PALS1: variants seen among roughly 807,000 people sequenced by gnomAD.
PALS1 encodes the protein protein associated with LIN7 1, MAGUK p55 family member, also known as protein PALS1.
In PALS1, 31 loss-of-function variants were observed where a neutral mutation model predicts 78.9. The observed-to-expected ratio is 0.39, with a 90% confidence interval of 0.30 to 0.53. PALS1 has a LOEUF of 0.53. Among genes scored for constraint, PALS1 ranks in the 20% least tolerant of loss-of-function variants. PALS1 has a pLI of 0.67. For missense variants in PALS1, 704 were observed against 826.5 expected (o/e 0.85, Z 1.82); for synonymous variants, 276 against 270.9 (o/e 1.02, Z -0.18).
At chr14:67,332,710 ATC>A in intron 14 of PALS1, 68 bp from the exon 15 acceptor site, 1 of 1,472,522 alleles carries the variant, frequency 6.8e-7, no homozygotes, top group Non-Finnish European at 9.2e-7. Flanking sequence ...TTCTTTGGCC[ATC>A]TCTGACTCAT....
intron 14 of PALS1, among the ~76,000 whole-genome samples, chr14:67,331,981 T>C (rs921075482): frequency 1.3e-5 from 2 of 152,230 alleles, no homozygotes; most frequent in Admixed American, 1.3e-4. Context: ...AGTTGTCATA[T>C]TTTTAATATG....
rs184572051 is a variant in PALS1, at chr14:67,309,030, G to T, written c.1042-3497G>T. Among the ~76,000 whole-genome samples the T allele has an allele frequency of 5.9e-5, 9 of 152,110 alleles. No homozygotes were observed. The East Asian group carries it at 1.7e-3, about 29-fold the overall frequency. On this transcript the variant is annotated intron_variant, in intron 8 of 14. Coordinates refer to ENST00000261681, the MANE Select transcript of PALS1 (RefSeq NM_022474.4). Reference sequence around the variant, plus strand: ...TAAAAAAAGGAAAAAGAAAATGTTGGGCTGGAAGATAATTGCGTCCAAACA... The same window carrying T: ...TAAAAAAAGGAAAAAGAAAATGTTGTGCTGGAAGATAATTGCGTCCAAACA...
chr14:67,317,430 G>T lies in PALS1; in HGVS notation c.1320G>T (p.Lys440Asn). The change falls in exon 11 of 15, where the codon AAG becomes AAT. Residue 440 changes from lysine (K) to asparagine (N), a missense_variant. Lys to Asn is a moderately conservative substitution (Grantham distance 94). Transcript: ENST00000261681. ...EKSGKLWCAK[K>N]NKKKRKKVLY... ...CAGGAAAACTGTGGTGTGCAAAGAA[G>T]AATAAAAAGAAGAGGAAAAAGGTTT... The T allele has an allele frequency of 6.2e-7, 1 of 1,611,898 alleles. No individual in the cohort carries two copies. The highest frequency in any genetic ancestry group is 8.5e-7 in the Non-Finnish European group (1 of 1,178,736).
chr14:67,329,374 T>G (rs2085406149), intron 14 of PALS1, among the ~76,000 whole-genome samples: 1 of 152,228 alleles, frequency 6.6e-6, no homozygotes, highest in Non-Finnish European at 1.5e-5. Context: ...AAGGAGATTT[T>G]GGGCTGAGAC....
intron 1 of PALS1, among the ~76,000 whole-genome samples, chr14:67,256,971 C>G (rs940683589): frequency 6.6e-6 from 1 of 152,144 alleles, no homozygotes; most frequent in African/African-American, 2.4e-5. Flanking sequence ...GACACAGCCT[C>G]AGGAGGTCCT....
In PALS1 at chr14:67,264,970, G is replaced by T. The variant is rs772521861; in HGVS notation, c.-236-4731G>T. 5.3e-5 allele frequency among the ~76,000 whole-genome samples: 8 copies of T among 152,078 alleles called. 1 individual carries two copies. The highest frequency in any genetic ancestry group is 1.0e-4 in the Non-Finnish European group (7 of 68,020). On this transcript the variant is annotated intron_variant, in intron 1 of 14. Transcript: ENST00000261681. ...CCATCCATGAGGGCAGATGATTTATGTGGGTTTAAGTTATAATACATGTTA... is the reference window on the plus strand; with the variant it reads ...CCATCCATGAGGGCAGATGATTTATTTGGGTTTAAGTTATAATACATGTTA...
chr14:67,256,807 C>T (rs537276990), intron 1 of PALS1, among the ~76,000 whole-genome samples: 1 of 152,064 alleles, frequency 6.6e-6, no homozygotes, highest in African/African-American at 2.4e-5. Context: ...GACACACACA[C>T]ACACACACAC....
At chr14:67,325,058 T>C (rs535400914) in intron 14 of PALS1, among the ~76,000 whole-genome samples, 1 of 151,750 alleles carries the variant, frequency 6.6e-6, no homozygotes, top group East Asian at 1.9e-4. Flanking sequence ...GTGCCCACCA[T>C]CATGCCTGGC....
At chr14:67,263,806 TCTA>T (rs963589384) in intron 1 of PALS1, among the ~76,000 whole-genome samples, 2 of 151,886 alleles carry the variant, frequency 1.3e-5, no homozygotes, top group African/African-American at 4.8e-5. Context: ...TGCTTTTACT[TCTA>T]CTGTGACCTC....
chr14:67,330,455 ATT>A lies in PALS1; in HGVS notation c.1852-2306_1852-2305del, dbSNP rs533831095. ...TAGAAGTATTTTCTAATTTCCCTTC[ATT>A]TTTTTTTTTTTTTTTTTTGAGATGG... On this transcript the variant is annotated intron_variant, in intron 14 of 14. Transcript: ENST00000261681. 5.8e-3 allele frequency among the ~76,000 whole-genome samples: 681 copies of A among 117,734 alleles called. 4 individuals carry two copies. Among genetic ancestry groups the A allele is most frequent in the East Asian group, 0.043 (181 of 4,244 alleles). The allele number at this position is 117,734 out of a possible 152,430, so 77.2% of individuals were successfully genotyped here. A position where few individuals can be genotyped will look rare whatever the true frequency, so the allele number is the denominator to read the frequency against.
intron 3 of PALS1, among the ~76,000 whole-genome samples, chr14:67,285,418 G>GT (rs375891677): frequency 0.029 from 4,309 of 149,884 alleles, 81 homozygotes; most frequent in Non-Finnish European, 0.036. Flanking sequence ...CCAGGCTGGA[G>GT]TGCAGTGGCG....
intron 2 of PALS1, among the ~76,000 whole-genome samples, chr14:67,277,628 G>A (rs994952641): frequency 5.9e-5 from 9 of 151,922 alleles, no homozygotes; most frequent in African/African-American, 2.2e-4. Context: ...TAGATTTAAT[G>A]TGTGGGTTTA....
At chr14:67,248,443 T>A (rs947631869) in intron 1 of PALS1, among the ~76,000 whole-genome samples, 1 of 152,232 alleles carries the variant, frequency 6.6e-6, no homozygotes. Context: ...AACAGTTACC[T>A]ACCTACATTT....
Position 67,289,719 on chromosome 14 carries a change from TAAGAAGAGAGCTGACAAA to T in PALS1, c.368-2788_368-2771del, listed in dbSNP as rs1434873789. ...GTCAGTGGTGTTTCTGCAGACCTTA[TAAGAAGAGAGCTGACAAA>T]AAGGCACATTGGGAAGATTTTTTTC... On this transcript the variant is annotated intron_variant, in intron 3 of 14. Transcript: ENST00000261681. Among the ~76,000 whole-genome samples, 11 of 150,674 alleles carry T rather than the reference TAAGAAGAGAGCTGACAAA, an allele frequency of 7.3e-5. No individual in the cohort carries two copies. The South Asian group carries it at 1.3e-3, about 17-fold the overall frequency.
chr14:67,324,978 G>C (rs1034444777), intron 14 of PALS1, among the ~76,000 whole-genome samples: 35 of 140,120 alleles, frequency 2.5e-4, no homozygotes, highest in Middle Eastern at 4.5e-3. Context: ...AATCTCGGCT[G>C]ACTGCAAGCT....
chr14:67,303,489 A>T (rs770670802), intron 7 of PALS1, 33 bp from the exon 8 acceptor site: 1 of 1,534,730 alleles, frequency 6.5e-7, no homozygotes, highest in African/African-American at 1.4e-5. Flanking sequence ...CATAAATGCA[A>T]ATTTAAAAAA....
At chr14:67,320,209 C>A in intron 11 of PALS1, 21 bp from the exon 12 acceptor site, 1 of 1,597,998 alleles carries the variant, frequency 6.3e-7, no homozygotes, top group Non-Finnish European at 8.5e-7. Context: ...GTTTGAAGAG[C>A]TTAACTTTTT....
intron 1 of PALS1, among the ~76,000 whole-genome samples, chr14:67,251,469 G>A (rs546497394): frequency 4.6e-5 from 7 of 152,202 alleles, no homozygotes; most frequent in African/African-American, 1.7e-4. Flanking sequence ...GGAGGTTGAG[G>A]CTGCAGTGAA....
rs867282971 is a variant in PALS1, at chr14:67,279,267, C to T, written c.97C>T (p.Arg33Ter). 7 of 1,613,616 alleles carry T rather than the reference C, an allele frequency of 4.3e-6. No homozygotes were observed. Among genetic ancestry groups the T allele is most frequent in the Admixed American group, 3.3e-5 (2 of 59,954 alleles). Reference sequence around the variant, plus strand: ...ATCACCAGAGGAACATCAGAAGCACCGAGAGATGGCTGTTGACTGCCCTGG... The same window carrying T: ...ATCACCAGAGGAACATCAGAAGCACTGAGAGATGGCTGTTGACTGCCCTGG... ...LASPEEHQKH[R>*]EMAVDCPGDL... Residue 33 changes from arginine (R) to a stop codon, truncating the protein, a stop_gained, in exon 3 of 15, where the codon CGA (arginine) becomes TGA (stop). Transcript: ENST00000261681. LOFTEE classifies it high-confidence loss of function.
Sources: allele counts gnomAD v4.1 joint callset (sites outside exome capture counted in the v4.1 genomes callset), GRCh38; gene constraint gnomAD v4.1.1; transcripts MANE v1.5; gene names NCBI Gene and HGNC (gene_info 2026-07-23, HGNC 2026-07-21).